The following PIP5K1B variants were observed in gnomAD, a reference collection of about 807,000 sequenced individuals.
The protein encoded by PIP5K1B is phosphatidylinositol-4-phosphate 5-kinase type 1 beta.
PIP5K1B carries 42 observed loss-of-function variants against 67.0 expected under a neutral mutation model. The observed-to-expected ratio is 0.63, with a 90% CI of 0.49 to 0.81. The LOEUF (loss-of-function observed/expected upper bound fraction) is 0.81. PIP5K1B is among the 30% of genes least tolerant of loss of function. The probability of loss-of-function intolerance (pLI) is 0.00; values close to 1 mark genes in which losing one functional copy is unlikely to be tolerated. For missense variants in PIP5K1B, 459 were observed against 646.3 expected, an observed-to-expected ratio of 0.71 and a Z score of 3.14; for synonymous variants, 214 against 231.4, an observed-to-expected ratio of 0.92 and a Z score of 0.68.
At chr9:68,954,260 C>T (rs949358636) in intron 14 of PIP5K1B, among the ~76,000 whole-genome samples, 1 of 152,146 alleles carries the variant, frequency 6.6e-6, no homozygotes, top group African/African-American at 2.4e-5. Context: ...CTCTTAGCTT[C>T]TTCCAATCTT....
chr9:68,845,289 C>G (rs1007546658), intron 4 of PIP5K1B, among the ~76,000 whole-genome samples: 1 of 152,146 alleles, frequency 6.6e-6, no homozygotes, highest in Non-Finnish European at 1.5e-5. Context: ...AAATCAGGAC[C>G]ACAGTCATTG....
At chr9:68,993,224 C>G (rs1169564565) in intron 15 of PIP5K1B, among the ~76,000 whole-genome samples, 1 of 152,204 alleles carries the variant, frequency 6.6e-6, no homozygotes, top group South Asian at 2.1e-4. Context: ...CCGACCTGCC[C>G]CCTCCCTGGG....
intron 13 of PIP5K1B, among the ~76,000 whole-genome samples, chr9:68,937,257 G>A (rs1280117967): frequency 6.6e-6 from 1 of 152,160 alleles, no homozygotes; most frequent in Non-Finnish European, 1.5e-5. Flanking sequence ...TTTCTGGTTG[G>A]TAGCCTATTA....
At chr9:68,820,888 T>C (rs564804583) in intron 3 of PIP5K1B, among the ~76,000 whole-genome samples, 1 of 152,296 alleles carries the variant, frequency 6.6e-6, no homozygotes, top group South Asian at 2.1e-4. Context: ...AAAAAACATA[T>C]TTTATCTTAA....
At chr9:68,891,589 C>T (rs1221848853) in intron 7 of PIP5K1B, among the ~76,000 whole-genome samples, 1 of 152,048 alleles carries the variant, frequency 6.6e-6, no homozygotes, top group African/African-American at 2.4e-5. Flanking sequence ...AGTGCCCCTC[C>T]CATCAATAGT....
At chr9:68,944,568 A>C (rs181144390) in intron 14 of PIP5K1B, among the ~76,000 whole-genome samples, 44 of 152,256 alleles carry the variant, frequency 2.9e-4, no homozygotes, top group Admixed American at 4.6e-4. Flanking sequence ...AGACATTTGC[A>C]GTATTGTGAG....
chr9:68,988,581 C>G (rs1830203531), intron 14 of PIP5K1B, among the ~76,000 whole-genome samples: 1 of 151,332 alleles, frequency 6.6e-6, no homozygotes, highest in Non-Finnish European at 1.5e-5. Context: ...TCCTGAGTAG[C>G]TGGGATTACA....
At chr9:68,758,679 A>G (rs1830051989) in intron 2 of PIP5K1B, among the ~76,000 whole-genome samples, 1 of 152,088 alleles carries the variant, frequency 6.6e-6, no homozygotes, top group Non-Finnish European at 1.5e-5. Flanking sequence ...AAAGAGAGGA[A>G]AAAAAGTATG....
At position 68,891,442 on chromosome 9, in the gene PIP5K1B, G is replaced by GT. The variant is rs1169735410; in HGVS notation, c.471+2322dup. 6.1e-3 allele frequency among the ~76,000 whole-genome samples: 877 copies of GT among 144,400 alleles called. 10 individuals are homozygous for GT. Among genetic ancestry groups the GT allele is most frequent in the Admixed American group, 0.017 (244 of 14,408 alleles). 94.7% of individuals were successfully genotyped at this position (144,400 alleles called of 152,430 possible). A position where few individuals can be genotyped will look rare whatever the true frequency, so the allele number is the denominator to read the frequency against. ...TAAAATTCTAAAAATTGGCAGGGGA[G>GT]TTTTTTTTTTTTTAAAAAATGATAA... On this transcript the variant is annotated intron_variant, in intron 7 of 15. Coordinates refer to ENST00000265382, the MANE Select transcript of PIP5K1B (RefSeq NM_003558.4).
intron 2 of PIP5K1B, among the ~76,000 whole-genome samples, chr9:68,795,892 A>G (rs747017671): frequency 2.8e-4 from 42 of 152,212 alleles, no homozygotes; most frequent in Non-Finnish European, 6.0e-4. Context: ...CTTTTGAGCA[A>G]ACTTTCATAA....
chr9:68,899,131 G>A (rs181716676), intron 8 of PIP5K1B, among the ~76,000 whole-genome samples: 46 of 152,146 alleles, frequency 3.0e-4, no homozygotes, highest in Middle Eastern at 3.4e-3. Flanking sequence ...TAATCTACTG[G>A]CCACATTCTC....
chr9:68,754,287 A>G (rs1829808853), intron 2 of PIP5K1B, among the ~76,000 whole-genome samples: 1 of 148,240 alleles, frequency 6.7e-6, no homozygotes, highest in Admixed American at 6.8e-5. Context: ...CTCCTGCCTC[A>G]GCCTCCCAAG....
In PIP5K1B at chr9:68,919,578, A is replaced by G; in HGVS notation, c.1067+16A>G. ...AATCATATAGGTAAGAAGTTTGAGGAGTGGTCTTTTATTATTTCAAAATCA... is the reference window on the plus strand; with the variant it reads ...AATCATATAGGTAAGAAGTTTGAGGGGTGGTCTTTTATTATTTCAAAATCA... On this transcript the variant is annotated intron_variant, in intron 10 of 15. Coordinates refer to ENST00000265382, the MANE Select transcript of PIP5K1B (RefSeq NM_003558.4). 1 of 1,475,498 alleles carries G rather than the reference A, an allele frequency of 6.8e-7. No homozygotes were observed. The highest frequency in any genetic ancestry group is 1.2e-5 in the South Asian group (1 of 84,660). 91.4% of individuals were successfully genotyped at this position (1,475,498 alleles called of 1,614,324 possible).
intron 2 of PIP5K1B, among the ~76,000 whole-genome samples, chr9:68,768,151 T>C (rs1179772321): frequency 5.3e-5 from 8 of 152,212 alleles, no homozygotes; most frequent in African/African-American, 1.9e-4. Context: ...TATTTGCAGA[T>C]ATTTCAATTG....
At chr9:68,934,352 G>A (rs1364882507) in intron 12 of PIP5K1B, among the ~76,000 whole-genome samples, 1 of 152,216 alleles carries the variant, frequency 6.6e-6, no homozygotes. Flanking sequence ...GGTAGGAAAT[G>A]TCAGTGGAAA....
chr9:68,902,329 A>G (rs1825404454), intron 8 of PIP5K1B, among the ~76,000 whole-genome samples: 1 of 152,182 alleles, frequency 6.6e-6, no homozygotes, highest in South Asian at 2.1e-4. Context: ...CTGTAATTTT[A>G]TCTTTTCGAG....
At chr9:68,981,998 C>T (rs1829902138) in intron 14 of PIP5K1B, among the ~76,000 whole-genome samples, 1 of 152,124 alleles carries the variant, frequency 6.6e-6, no homozygotes, top group African/African-American at 2.4e-5. Context: ...AAGGGAAGAA[C>T]ATAGCTGAGT....
intron 2 of PIP5K1B, among the ~76,000 whole-genome samples, chr9:68,765,093 A>G (rs1420341768): frequency 1.3e-5 from 2 of 152,112 alleles, no homozygotes; most frequent in Non-Finnish European, 2.9e-5. Flanking sequence ...ATTTGTTCTT[A>G]ACTGTTTTTT....
chr9:68,728,527 A>G (rs1457924690), intron 1 of PIP5K1B, among the ~76,000 whole-genome samples: 2 of 152,152 alleles, frequency 1.3e-5, no homozygotes, highest in African/African-American at 4.8e-5. Context: ...CATTCAGTTC[A>G]TAACAGATGA....
Sources: gnomAD v4.1 joint callset for allele counts (sites outside exome capture counted in the v4.1 genomes callset) on GRCh38, gnomAD v4.1.1 for gene constraint, MANE v1.5 for transcripts, NCBI Gene and HGNC (gene_info 2026-07-23, HGNC 2026-07-21) for gene names.